The following DNAH14 variants were observed in gnomAD, a reference collection of about 807,000 sequenced individuals.
DNAH14 encodes axonemal beta dynein heavy chain 14.
DNAH14 carries 478 observed loss-of-function variants against 520.9 expected under a neutral mutation model. That is an observed-to-expected ratio of 0.92 (90% confidence interval 0.85 to 0.99). The LOEUF is 0.99. Ranked by LOEUF, DNAH14 falls within the 50% of genes least tolerant of loss-of-function variation. DNAH14 has a pLI of 0.00. For missense variants in DNAH14, 4,831 were observed against 5,234.5 expected, an observed-to-expected ratio of 0.92 and a Z score of 2.38; for synonymous variants, 1,581 against 1,757.2, an observed-to-expected ratio of 0.90 and a Z score of 2.51.
intron 43 of DNAH14, among the ~76,000 whole-genome samples, chr1:225,246,613 C>A (rs1392206138): frequency 6.6e-6 from 1 of 152,040 alleles, no homozygotes; most frequent in East Asian, 1.9e-4. Context: ...ATGTGGCCAA[C>A]AAACATATGA....
At chr1:225,064,674 T>A (rs1447095392) in intron 17 of DNAH14, among the ~76,000 whole-genome samples, 1 of 151,974 alleles carries the variant, frequency 6.6e-6, no homozygotes, top group Non-Finnish European at 1.5e-5. Flanking sequence ...GAGTACCTAC[T>A]ATGTGATTCC....
chr1:225,161,722 C>T (rs1328583496), intron 35 of DNAH14, among the ~76,000 whole-genome samples: 2 of 152,132 alleles, frequency 1.3e-5, no homozygotes, highest in Non-Finnish European at 2.9e-5. Context: ...GAGATGATAT[C>T]TCATTGTAGT....
chr1:224,963,332 A>G (rs1231862129), intron 4 of DNAH14, among the ~76,000 whole-genome samples: 9 of 151,990 alleles, frequency 5.9e-5, no homozygotes, highest in Non-Finnish European at 1.5e-5. Context: ...ATTCTTTTTC[A>G]AGAAGCCTTC....
chr1:225,268,186 A>G (rs974575610), intron 49 of DNAH14, among the ~76,000 whole-genome samples: 4 of 152,230 alleles, frequency 2.6e-5, no homozygotes, highest in Non-Finnish European at 5.9e-5. Flanking sequence ...TTTTAAATCA[A>G]TAAACGTAAT....
At chr1:225,316,879 A>C (rs576188578) in intron 60 of DNAH14, among the ~76,000 whole-genome samples, 1 of 152,262 alleles carries the variant, frequency 6.6e-6, no homozygotes, top group South Asian at 2.1e-4. Context: ...TCATTTCTTC[A>C]TATTATAGTG....
chr1:225,176,647 A>G (rs2083375320), intron 36 of DNAH14, among the ~76,000 whole-genome samples: 1 of 151,706 alleles, frequency 6.6e-6, no homozygotes, highest in African/African-American at 2.4e-5. Flanking sequence ...GGTCTTTCCC[A>G]TGCTGTTCTC....
intron 84 of DNAH14, chr1:225,395,705 T>G (rs996900752): frequency 3.9e-5 from 6 of 152,336 alleles, no homozygotes; most frequent in Admixed American, 6.5e-5. Context: ...TCTAATCCTA[T>G]CTGCCTTCTG....
At chr1:225,388,546 GT>G in intron 82 of DNAH14, 55 bp downstream of exon 82, 2 of 1,021,752 alleles carry the variant, frequency 2.0e-6, no homozygotes, top group South Asian at 1.6e-5. Flanking sequence ...AAGCCCAAAG[GT>G]TTATGACATC....
intron 8 of DNAH14, among the ~76,000 whole-genome samples, chr1:224,994,551 T>C (rs1358108257): frequency 6.6e-6 from 1 of 152,068 alleles, no homozygotes; most frequent in Non-Finnish European, 1.5e-5. Context: ...ACTTTCAATC[T>C]ATGTGTGTCC....
intron 23 of DNAH14, among the ~76,000 whole-genome samples, chr1:225,101,543 A>G (rs527981579): frequency 2.0e-5 from 3 of 151,932 alleles, no homozygotes; most frequent in Non-Finnish European, 4.4e-5. Context: ...TTATCCTTCT[A>G]CTGTCTATCT....
intron 17 of DNAH14, among the ~76,000 whole-genome samples, chr1:225,075,002 T>C (rs1289496455): frequency 6.6e-6 from 1 of 152,200 alleles, no homozygotes; most frequent in Non-Finnish European, 1.5e-5. Flanking sequence ...TTTGCCAGCA[T>C]TGCAGTTACT....
intron 81 of DNAH14, among the ~76,000 whole-genome samples, chr1:225,383,837 T>A (rs2095807257): frequency 6.6e-6 from 1 of 152,246 alleles, no homozygotes; most frequent in African/African-American, 2.4e-5. Flanking sequence ...TATTACAGTG[T>A]CAATTTTAGA....
intron 17 of DNAH14, among the ~76,000 whole-genome samples, chr1:225,054,088 G>T (rs564009685): frequency 6.6e-6 from 1 of 152,236 alleles, no homozygotes; most frequent in South Asian, 2.1e-4. Context: ...GTTAATGCCG[G>T]GTCAGACAGT....
chr1:224,952,263 T>G (rs2060227670), intron 1 of DNAH14, among the ~76,000 whole-genome samples: 1 of 152,218 alleles, frequency 6.6e-6, no homozygotes, highest in Non-Finnish European at 1.5e-5. Context: ...GGCCTTTTAG[T>G]GCTTAGTGAA....
chr1:225,242,328 GA>G (rs1185537990), intron 43 of DNAH14, among the ~76,000 whole-genome samples: 3 of 151,410 alleles, frequency 2.0e-5, no homozygotes. Flanking sequence ...TGACTCCTTT[GA>G]AACAACACTT....
At chr1:225,172,484 G>A (rs148158993) in intron 36 of DNAH14, among the ~76,000 whole-genome samples, 19,449 of 152,118 alleles carry the variant, frequency 0.13, 1,396 homozygotes, top group East Asian at 0.31. Context: ...CAAACAGAGA[G>A]CCAAATCATG....
Position 225,265,388 on chromosome 1 carries a change from C to G in DNAH14, c.7410+19C>G. 18 of 1,512,126 alleles carry G rather than the reference C, an allele frequency of 1.2e-5. No individual in the cohort carries two copies. The highest frequency in any genetic ancestry group is 1.6e-5 in the Non-Finnish European group (18 of 1,134,702). 93.7% of individuals were successfully genotyped at this position (1,512,126 alleles called of 1,614,324 possible). A position where few individuals can be genotyped will look rare whatever the true frequency, so the allele number is the denominator to read the frequency against. On this transcript the variant is annotated intron_variant, in intron 48 of 85. Coordinates refer to ENST00000682510, the MANE Select transcript of DNAH14 (RefSeq NM_001367479.1). ...CAACCGGGTAAAACACCTCTCATACCTGTTCAATAATCTGCTTAGGCTAGT... is the reference window on the plus strand; with the variant it reads ...CAACCGGGTAAAACACCTCTCATACGTGTTCAATAATCTGCTTAGGCTAGT...
intron 41 of DNAH14, among the ~76,000 whole-genome samples, chr1:225,212,045 A>ATCCC (rs1232112802): frequency 8.0e-6 from 1 of 124,502 alleles, no homozygotes; most frequent in African/African-American, 3.0e-5. Context: ...TCCTAATGCT[A>ATCCC]TCCCTCCCCC....
chr1:225,290,631 A>ATG (rs71170071), intron 55 of DNAH14, among the ~76,000 whole-genome samples: 60 of 71,704 alleles, frequency 8.4e-4, no homozygotes, highest in Non-Finnish European at 1.1e-3. Context: ...GTATAGATAT[A>ATG]TGTGTGTGTG....
Sources: gnomAD v4.1 joint callset for allele counts (sites outside exome capture counted in the v4.1 genomes callset) on GRCh38, gnomAD v4.1.1 for gene constraint, MANE v1.5 for transcripts, NCBI Gene and HGNC (gene_info 2026-07-23, HGNC 2026-07-21) for gene names.